GATD1: variants seen among roughly 807,000 people sequenced by gnomAD.
GATD1 encodes the protein glutamine amidotransferase-like class 1 domain-containing protein 1.
Under a neutral mutation model 25.9 loss-of-function variants are expected in GATD1, and 23 were observed. The observed-to-expected ratio is 0.89, with a 90% CI of 0.64 to 1.26. GATD1 has a LOEUF of 1.26. GATD1 is among the 50% of genes most tolerant of loss of function. The pLI is 0.00. For synonymous variants in GATD1, 177 were observed against 134.6 expected (o/e 1.31, Z -2.18); for missense variants, 347 against 312.5 (o/e 1.11, Z -0.83).
chr11:777,357 G>A (rs555621129), intron 1 of GATD1, 42 bp downstream of exon 1: 590 of 1,264,778 alleles, frequency 4.7e-4, no homozygotes, highest in Non-Finnish European at 5.4e-4. Context: ...CAGCCCCCTC[G>A]CGGACGCTCT....
At position 770,751 on chromosome 11, in the gene GATD1, A is replaced by G; in HGVS notation, c.*146T>C. The G allele has an allele frequency of 2.7e-6, 4 of 1,501,448 alleles. No homozygotes were observed. The highest frequency in any genetic ancestry group is 3.5e-6 in the Non-Finnish European group (4 of 1,131,046). 93.0% of individuals were successfully genotyped at this position (1,501,448 alleles called of 1,614,324 possible). A position where few individuals can be genotyped will look rare whatever the true frequency, so the allele number is the denominator to read the frequency against. ...ACACCCCCTCAGAGCTGATTCCAGG[A>G]GGCCTCCAACAATCCCATCAGGGCC... On this transcript the variant is annotated 3_prime_UTR_variant, in exon 8 of 8. Transcript: ENST00000319863.
Position 767,373 on chromosome 11 carries a change from C to A in GATD1, c.*3524G>T. The stretch of plus-strand genomic sequence containing the variant: ...AGCCTGGTGCTGCCCCAAGCCCTGC[C>A]CTGGCAAAGAGAGAACTGTGCACAG... On this transcript the variant is annotated 3_prime_UTR_variant, in exon 8 of 8. Transcript: ENST00000319863. 6.5e-7 allele frequency: 1 copy of A among 1,535,882 alleles called. No individual in the cohort carries two copies. The highest frequency in any genetic ancestry group is 2.4e-5 in the East Asian group (1 of 40,924).
At chr11:774,808 C>A (rs894952615) in intron 2 of GATD1, among the ~76,000 whole-genome samples, 4 of 151,862 alleles carry the variant, frequency 2.6e-5, no homozygotes, top group African/African-American at 9.7e-5. Flanking sequence ...CCAGCCTGGG[C>A]AACAAGAGCG....
At chr11:775,319 G>A (rs995825437) in intron 1 of GATD1, among the ~76,000 whole-genome samples, 177 bp from the exon 2 acceptor site, 8 of 152,228 alleles carry the variant, frequency 5.3e-5, no homozygotes, top group South Asian at 2.1e-4. Flanking sequence ...ACCCATTCAC[G>A]TCCAGGAGAA....
intron 3 of GATD1, 86 bp downstream of exon 3, chr11:773,922 C>G: frequency 8.3e-7 from 1 of 1,207,230 alleles, no homozygotes; most frequent in Non-Finnish European, 1.2e-6. Flanking sequence ...AGCTAGGGAG[C>G]TCACTAAGAC....
chr11:774,151 A>G, intron 2 of GATD1, 38 bp from the exon 3 acceptor site: 1 of 1,565,256 alleles, frequency 6.4e-7, no homozygotes, highest in Non-Finnish European at 8.8e-7. Context: ...GGTCAGCACC[A>G]GGGATATCCC....
At position 772,447 on chromosome 11, in the gene GATD1, C is replaced by A; in HGVS notation, c.430G>T (p.Asp144Tyr). ...ATNEDRSWVF[D>Y]SYSLTGPSVC... ...CTCACCCCTGTCAGGCTGTAGCTGTCGAACACCCAGGATCTGTCCTCGTTG... is the reference window on the plus strand; with the variant it reads ...CTCACCCCTGTCAGGCTGTAGCTGTAGAACACCCAGGATCTGTCCTCGTTG... The change falls in exon 5 of 8, where the codon GAC (aspartate) becomes TAC (tyrosine). Residue 144 changes from aspartate (D) to tyrosine (Y), a missense_variant. Asp to Tyr is a radical substitution (Grantham distance 160). Coordinates refer to ENST00000319863, the MANE Select transcript of GATD1 (RefSeq NM_182612.4). 6.2e-7 allele frequency: 1 copy of A among 1,613,408 alleles called. No individual in the cohort carries two copies. Among genetic ancestry groups the A allele is most frequent in the Non-Finnish European group, 8.5e-7 (1 of 1,179,970 alleles).
rs763977879 is a variant in GATD1, at chr11:773,560, G to A, written c.317C>T (p.Ser106Phe). The A allele has an allele frequency of 7.6e-5, 123 of 1,610,626 alleles. No homozygotes were observed. Among genetic ancestry groups the A allele is most frequent in the Non-Finnish European group, 9.6e-5 (113 of 1,179,200 alleles). The part of the protein sequence containing the change: ...GALTDLASSG[S>F]LARILQHFHS... ...GAAGTGCTGCAGGATACGGGCCAGG[G>A]AGCCACTGCTGGCCAGGTCGGTCAG... The change falls in exon 4 of 8, where the codon TCC becomes TTC. Residue 106 changes from serine (S) to phenylalanine (F), a missense_variant. Physicochemically the swap from Ser to Phe is radical, Grantham distance 155. Coordinates refer to ENST00000319863, the MANE Select transcript of GATD1 (RefSeq NM_182612.4).
Position 770,061 on chromosome 11 carries a change from GA to G in GATD1, c.*835del. On this transcript the variant is annotated 3_prime_UTR_variant, in exon 8 of 8. Coordinates refer to ENST00000319863, the MANE Select transcript of GATD1 (RefSeq NM_182612.4). ...ATGGCTCAAACTGGGGAACTGTGAGGAAGTAGAGGGCCTAAGCCTCTCCTGG... is the reference window on the plus strand; with the variant it reads ...ATGGCTCAAACTGGGGAACTGTGAGGAGTAGAGGGCCTAAGCCTCTCCTGG... The G allele has an allele frequency of 8.5e-7, 1 of 1,170,642 alleles. No individual in the cohort carries two copies. Among genetic ancestry groups the G allele is most frequent in the Non-Finnish European group, 1.1e-6 (1 of 949,516 alleles). The allele number at this position is 1,170,642 out of a possible 1,614,324, so 72.5% of individuals were successfully genotyped here.
In GATD1 at chr11:771,337, G is replaced by A. The variant is rs1430348412; in HGVS notation, c.540C>T (p.Phe180=). 4.4e-6 allele frequency: 7 copies of A among 1,601,240 alleles called. No homozygotes were observed. In the Admixed American group the frequency reaches 6.9e-5, roughly 16 times the overall value. The change falls in exon 6 of 8, where the codon TTC becomes TTT. Residue 180 remains phenylalanine, a synonymous_variant. Transcript: ENST00000319863. ...GGGGGCACCCTCGAGGCTCACCACT[G>A]AAGCAGGCGCCCGAATCCTTCACGA... ...EDFVKDSGAC[F]SASEPDAVHV...
At position 767,427 on chromosome 11, in the gene GATD1, G is replaced by C; in HGVS notation, c.*3470C>G. On this transcript the variant is annotated 3_prime_UTR_variant, in exon 8 of 8. Coordinates refer to ENST00000319863, the MANE Select transcript of GATD1 (RefSeq NM_182612.4). ...GGAGGCTCTCCAAGCCAGAGGCCTCGCACGCAGCTGAGGAATGACGCAGGG... is the reference window on the plus strand; with the variant it reads ...GGAGGCTCTCCAAGCCAGAGGCCTCCCACGCAGCTGAGGAATGACGCAGGG... The C allele has an allele frequency of 2.0e-6, 3 of 1,511,180 alleles. No homozygotes were observed. The highest frequency in any genetic ancestry group is 2.6e-6 in the Non-Finnish European group (3 of 1,135,138). The allele number at this position is 1,511,180 out of a possible 1,614,324, so 93.6% of individuals were successfully genotyped here.
chr11:777,262 C>T (rs909317379), intron 1 of GATD1, 137 bp downstream of exon 1: 12 of 501,634 alleles, frequency 2.4e-5, no homozygotes, highest in Non-Finnish European at 3.2e-5. Context: ...CGCCCTCCCC[C>T]GGCCCCTGCC....
intron 4 of GATD1, chr11:772,723 C>G: frequency 1.7e-6 from 1 of 596,664 alleles, no homozygotes; most frequent in South Asian, 1.9e-5. Context: ...CTCGGGGGAG[C>G]TGGTGCTTCA....
At chr11:772,610 G>C in intron 4 of GATD1, 89 bp from the exon 5 acceptor site, 1 of 1,238,460 alleles carries the variant, frequency 8.1e-7, no homozygotes, top group Non-Finnish European at 1.2e-6. Flanking sequence ...GGCTCCCCCA[G>C]GCTTGTGCCG....
chr11:776,496 C>G (rs10902220), intron 1 of GATD1, among the ~76,000 whole-genome samples: 1 of 147,924 alleles, frequency 6.8e-6, no homozygotes, highest in African/African-American at 2.5e-5. Context: ...CAAGCCCCAA[C>G]CCACCCCCCC....
chr11:767,262 G>A lies in GATD1; in HGVS notation c.*3635C>T, dbSNP rs1443774113. The A allele has an allele frequency of 3.9e-6, 6 of 1,535,998 alleles. No individual in the cohort carries two copies. The highest frequency in any genetic ancestry group is 5.2e-6 in the Non-Finnish European group (6 of 1,146,904). Reference sequence around the variant, plus strand: ...ATGGTTTTATTCCTCATGGGTAGATGAACACACACTGGTATATGGGGAAAT... The same window carrying A: ...ATGGTTTTATTCCTCATGGGTAGATAAACACACACTGGTATATGGGGAAAT... On this transcript the variant is annotated 3_prime_UTR_variant, in exon 8 of 8. Transcript: ENST00000319863.
At chr11:776,149 A>T in intron 1 of GATD1, among the ~76,000 whole-genome samples, 1 of 150,920 alleles carries the variant, frequency 6.6e-6, no homozygotes, top group East Asian at 1.9e-4. Flanking sequence ...CGCCCAGCTA[A>T]TTTTTGTACT....
Position 777,457 on chromosome 11 carries a change from C to A in GATD1, c.6G>T (p.Ala2=). 1 of 1,240,462 alleles carries A rather than the reference C, an allele frequency of 8.1e-7. No homozygotes were observed. The highest frequency in any genetic ancestry group is 2.7e-5 in the South Asian group (1 of 36,472). The allele number at this position is 1,240,462 out of a possible 1,614,324, so 76.8% of individuals were successfully genotyped here. Residue 2 remains alanine, a synonymous_variant, in exon 1 of 8, where the codon GCG becomes GCT. Coordinates refer to ENST00000319863, the MANE Select transcript of GATD1 (RefSeq NM_182612.4). The part of the protein sequence containing the change: M[A]SERLPNRPAC... The stretch of plus-strand genomic sequence containing the variant: ...CGGGCCTGTTAGGGAGCCGCTCGGA[C>A]GCCATGGCTCGGGCTCGGCGCTGGG...
At position 769,085 on chromosome 11, in the gene GATD1, G is replaced by C. The variant is rs1459964713; in HGVS notation, c.*1812C>G. 3.1e-6 allele frequency: 3 copies of C among 960,556 alleles called. No homozygotes were observed. Among genetic ancestry groups the C allele is most frequent in the African/African-American group, 1.9e-5 (1 of 53,904 alleles). The allele number at this position is 960,556 out of a possible 1,614,324, so 59.5% of individuals were successfully genotyped here. On this transcript the variant is annotated 3_prime_UTR_variant, in exon 8 of 8. Coordinates refer to ENST00000319863, the MANE Select transcript of GATD1 (RefSeq NM_182612.4). ...CACTGCACTCCAGCCTGGGTGACGA[G>C]AGACAAACTCCATCTCAAAAAATAA... is the stretch of plus-strand genomic sequence containing the variant.
Sources: gnomAD v4.1 joint callset for allele counts (sites outside exome capture counted in the v4.1 genomes callset) on GRCh38, gnomAD v4.1.1 for gene constraint, MANE v1.5 for transcripts, NCBI Gene and HGNC (gene_info 2026-07-23, HGNC 2026-07-21) for gene names.